The following ARB2A variants were observed in gnomAD, a reference collection of about 807,000 sequenced individuals.
ARB2A encodes the protein cotranscriptional regulator ARB2A.
the ARB2A span, among the ~76,000 whole-genome samples, chr5:93,923,405 TAA>T: frequency 2.0e-5 from 3 of 152,184 alleles, no homozygotes; most frequent in South Asian, 6.2e-4. Context: ...CCTGCATTTT[TAA>T]AGAGTCAACT....
chr5:93,634,495 C>G, the ARB2A span, among the ~76,000 whole-genome samples: 1 of 152,084 alleles, frequency 6.6e-6, no homozygotes, highest in African/African-American at 2.4e-5. Flanking sequence ...CTCCAACAAA[C>G]TGATGAGGTG....
chr5:93,866,977 C>T, the ARB2A span, among the ~76,000 whole-genome samples: 4 of 151,792 alleles, frequency 2.6e-5, no homozygotes, highest in African/African-American at 7.3e-5. Flanking sequence ...TGTACATACC[C>T]CTTTAATGTG....
chr5:93,722,661 A>C, the ARB2A span, among the ~76,000 whole-genome samples: 8 of 152,172 alleles, frequency 5.3e-5, no homozygotes, highest in Non-Finnish European at 1.2e-4. Flanking sequence ...ATGTGTTGGT[A>C]TCACATAAGA....
the ARB2A span, among the ~76,000 whole-genome samples, chr5:93,984,199 G>C: frequency 6.6e-6 from 1 of 152,030 alleles, no homozygotes; most frequent in Non-Finnish European, 1.5e-5. Context: ...TTCAGAAAAA[G>C]ATTAAGTAAT....
the ARB2A span, among the ~76,000 whole-genome samples, chr5:93,968,300 T>C: frequency 6.6e-6 from 1 of 152,072 alleles, no homozygotes; most frequent in Non-Finnish European, 1.5e-5. Context: ...AACTATAATA[T>C]GTTAAGGCTT....
the ARB2A span, among the ~76,000 whole-genome samples, chr5:93,692,994 T>C: frequency 6.6e-6 from 1 of 152,292 alleles, no homozygotes; most frequent in East Asian, 1.9e-4. Flanking sequence ...AATACATTCT[T>C]TGAAACCAAT....
the ARB2A span, chr5:93,621,040 G>A: frequency 1.2e-6 from 2 of 1,611,970 alleles, no homozygotes; most frequent in African/African-American, 1.3e-5. Flanking sequence ...GCCGGCTTCA[G>A]GGAGCTGGTC....
chr5:94,010,935 A>G, the ARB2A span, among the ~76,000 whole-genome samples: 6 of 152,310 alleles, frequency 3.9e-5, no homozygotes, highest in Non-Finnish European at 2.9e-5. Flanking sequence ...CCTGTAAGCC[A>G]TATCAAGGAA....
At chr5:93,914,444 ACTAT>A in the ARB2A span, among the ~76,000 whole-genome samples, 2 of 152,020 alleles carry the variant, frequency 1.3e-5, no homozygotes, top group Non-Finnish European at 2.9e-5. Context: ...CCAAAATAGT[ACTAT>A]CTTATTCAAA....
chr5:93,792,294 A>C, the ARB2A span, among the ~76,000 whole-genome samples: 1 of 152,218 alleles, frequency 6.6e-6, no homozygotes, highest in Admixed American at 6.5e-5. Flanking sequence ...TACAGTATAA[A>C]AGTGTAAGTT....
At chr5:94,086,131 T>C in the ARB2A span, among the ~76,000 whole-genome samples, 7 of 152,330 alleles carry the variant, frequency 4.6e-5, no homozygotes, top group East Asian at 1.2e-3. Context: ...TTATACTATA[T>C]AACTTGCATA....
At chr5:93,830,311 G>GTATATATATATATATA in the ARB2A span, among the ~76,000 whole-genome samples, 14 of 82,254 alleles carry the variant, frequency 1.7e-4, no homozygotes, top group African/African-American at 4.7e-4. Context: ...GTGTGTGTGT[G>GTATATATATATATATA]TATATATATA....
At chr5:93,618,882 C>T in the ARB2A span, 3 of 152,150 alleles carry the variant, frequency 2.0e-5, no homozygotes, top group Non-Finnish European at 4.4e-5. Context: ...GAAGGAATAG[C>T]AGTGATTTGG....
the ARB2A span, among the ~76,000 whole-genome samples, chr5:94,064,526 C>A: frequency 2.0e-5 from 3 of 152,160 alleles, no homozygotes; most frequent in South Asian, 4.1e-4. Flanking sequence ...GTAAAAAGAT[C>A]TTCTCCATCA....
At chr5:93,830,198 G>A in the ARB2A span, among the ~76,000 whole-genome samples, 9 of 150,892 alleles carry the variant, frequency 6.0e-5, no homozygotes, top group Admixed American at 5.3e-4. Flanking sequence ...CCTATTGATG[G>A]TTGGCATAAC....
the ARB2A span, among the ~76,000 whole-genome samples, chr5:93,851,451 CTTTAT>C: frequency 2.0e-5 from 3 of 151,918 alleles, no homozygotes; most frequent in Non-Finnish European, 2.9e-5. Flanking sequence ...TGTATTTTTA[CTTTAT>C]TTTATTATTA....
chr5:93,824,220 G>T, the ARB2A span: 1 of 1,592,384 alleles, frequency 6.3e-7, no homozygotes, highest in Non-Finnish European at 8.6e-7. Flanking sequence ...CCTGAGCTAT[G>T]AAATGATCCC....
the ARB2A span, chr5:93,805,027 G>T: frequency 8.3e-6 from 8 of 966,160 alleles, no homozygotes; most frequent in African/African-American, 1.4e-4. Flanking sequence ...TACATCTTTA[G>T]AGATTTTATG....
chr5:94,097,954 G>T, the ARB2A span, among the ~76,000 whole-genome samples: 1 of 151,026 alleles, frequency 6.6e-6, no homozygotes, highest in Non-Finnish European at 1.5e-5. Context: ...GTTGCTACCA[G>T]TGAACTGGGA....
Sources: gnomAD v4.1 joint callset for allele counts (sites outside exome capture counted in the v4.1 genomes callset) on GRCh38, gnomAD v4.1.1 for gene constraint, MANE v1.5 for transcripts, NCBI Gene and HGNC (gene_info 2026-07-23, HGNC 2026-07-21) for gene names.